Variants in CNIH3 observed in about 807,000 individuals in gnomAD.
CNIH3 encodes protein cornichon homolog 3.
CNIH3 carries 14 observed loss-of-function variants against 24.1 expected under a neutral mutation model. That is an observed-to-expected ratio of 0.58 (90% CI 0.38 to 0.91). CNIH3 has a LOEUF of 0.91. Among genes scored for constraint, CNIH3 ranks in the 40% least tolerant of loss-of-function variants. The probability of loss-of-function intolerance (pLI) is 0.00; values close to 1 mark genes in which losing one functional copy is unlikely to be tolerated. For missense variants in CNIH3, 178 were observed against 196.8 expected (o/e 0.90, Z 0.57); for synonymous variants, 68 against 73.8 (o/e 0.92, Z 0.40).
rs925247882 is a variant in CNIH3 at position 224,703,152 on chromosome 1, G to A, written c.198+18309G>A. Among the ~76,000 whole-genome samples, 2 of 152,092 alleles carry A rather than the reference G, an allele frequency of 1.3e-5. No individual in the cohort carries two copies. The highest frequency in any genetic ancestry group is 2.9e-5 in the Non-Finnish European group (2 of 68,020). ...CTCTCAAGGTCCATCTGTCCTGGCT[G>A]GTCAAAACCTTTTTTCTACCTGTTG... On this transcript the variant is annotated intron_variant, in intron 3 of 5. Transcript: ENST00000272133. The surrounding 1 kb of genome is among the most constrained non-coding windows in gnomAD (Gnocchi z 4.2).
At chr1:224,456,574 C>T (rs1229481808) in intron 1 of CNIH3, among the ~76,000 whole-genome samples, 2 of 152,148 alleles carry the variant, frequency 1.3e-5, no homozygotes, top group Non-Finnish European at 2.9e-5. Flanking sequence ...CCACACCCAG[C>T]TAATTTTTGT....
intron 4 of CNIH3, 188 bp downstream of exon 4, chr1:224,730,762 T>G: frequency 1.9e-6 from 1 of 539,470 alleles, no homozygotes; most frequent in Admixed American, 3.1e-5. Flanking sequence ...AAGGCCCTTT[T>G]TGTTGGTTTC....
intron 1 of CNIH3, among the ~76,000 whole-genome samples, chr1:224,500,791 G>A (rs1174193676): frequency 6.6e-6 from 1 of 152,186 alleles, no homozygotes; most frequent in African/African-American, 2.4e-5. Flanking sequence ...CCAGTGGGCT[G>A]GGATGTGCTG....
intron 3 of CNIH3, among the ~76,000 whole-genome samples, chr1:224,713,337 C>T (rs1688257890): frequency 6.6e-6 from 1 of 152,160 alleles, no homozygotes; most frequent in Non-Finnish European, 1.5e-5. Flanking sequence ...TGCACAGTTC[C>T]AGGTATTGTT....
At chr1:224,716,047 C>T (rs1688412216) in intron 3 of CNIH3, among the ~76,000 whole-genome samples, 1 of 152,172 alleles carries the variant, frequency 6.6e-6, no homozygotes, top group Non-Finnish European at 1.5e-5. Context: ...GAGTAATGCT[C>T]ATACTCACCC....
chr1:224,442,012 A>G (rs572261832), intron 1 of CNIH3, among the ~76,000 whole-genome samples: 161 of 131,366 alleles, frequency 1.2e-3, no homozygotes, highest in African/African-American at 3.9e-3. Context: ...TGATTCCCTT[A>G]ATTTTTTTTT....
intron 4 of CNIH3, chr1:224,574,825 G>T (rs1248388615): frequency 4.3e-6 from 4 of 932,258 alleles, no homozygotes. Context: ...CCAGGTAATG[G>T]TAATGTGGTT....
intron 4 of CNIH3, chr1:224,574,632 G>T: frequency 1.1e-6 from 1 of 870,802 alleles, no homozygotes; most frequent in Admixed American, 1.7e-5. Context: ...CAGGGAGCAG[G>T]TGGTGAAGTG....
intron 1 of CNIH3, among the ~76,000 whole-genome samples, chr1:224,438,008 G>A (rs1355202521): frequency 1.3e-5 from 2 of 151,832 alleles, no homozygotes; most frequent in South Asian, 4.2e-4. Context: ...CGCCTCCTGG[G>A]TTCACGCCAT....
chr1:224,626,997 T>G (rs1436062149), intron 1 of CNIH3, among the ~76,000 whole-genome samples: 1 of 152,188 alleles, frequency 6.6e-6, no homozygotes, highest in Non-Finnish European at 1.5e-5. Flanking sequence ...ACCTGTGTTC[T>G]TACACACTTC....
At position 224,734,612 on chromosome 1, in the gene CNIH3, G is replaced by A; in HGVS notation, c.361G>A (p.Val121Met). 2.5e-6 allele frequency: 4 copies of A among 1,614,174 alleles called. No individual in the cohort carries two copies. The highest frequency in any genetic ancestry group is 3.4e-6 in the Non-Finnish European group (4 of 1,180,010). The change falls in exon 5 of 6, where the codon GTG becomes ATG. Residue 121 changes from valine (V) to methionine (M), a missense_variant. Val to Met is a conservative substitution (Grantham distance 21, BLOSUM62 1). Coordinates refer to ENST00000272133, the MANE Select transcript of CNIH3 (RefSeq NM_152495.2). ...CTCAGAACTAGCCTACGACCCACCG[G>A]TGGTCATGAATGCCGACACTTTGAG... is the stretch of plus-strand genomic sequence containing the variant. ...DSSELAYDPP[V>M]VMNADTLSYC...
chr1:224,549,885 A>G (rs991074452), intron 3 of CNIH3, among the ~76,000 whole-genome samples: 1 of 152,162 alleles, frequency 6.6e-6, no homozygotes, highest in South Asian at 2.1e-4. Context: ...GCATGTAAAC[A>G]CTGGTTATTA....
chr1:224,716,380 G>T (rs913065176), intron 3 of CNIH3, among the ~76,000 whole-genome samples: 1 of 152,184 alleles, frequency 6.6e-6, no homozygotes, highest in African/African-American at 2.4e-5. Context: ...ACGCAGGCAA[G>T]GATGGTGTCT....
At chr1:224,569,316 A>G (rs1312374959) in intron 4 of CNIH3, among the ~76,000 whole-genome samples, 1 of 152,186 alleles carries the variant, frequency 6.6e-6, no homozygotes, top group Non-Finnish European at 1.5e-5. Flanking sequence ...CAGACATTTG[A>G]TCTTGAGTTT....
intron 1 of CNIH3, among the ~76,000 whole-genome samples, chr1:224,645,704 T>C (rs1444088795): frequency 2.0e-5 from 3 of 152,230 alleles, no homozygotes; most frequent in Non-Finnish European, 4.4e-5. Context: ...TTCACATCTG[T>C]TGGAGCCTAG....
At chr1:224,644,699 T>C (rs1684519897) in intron 1 of CNIH3, among the ~76,000 whole-genome samples, 1 of 152,182 alleles carries the variant, frequency 6.6e-6, no homozygotes, top group African/African-American at 2.4e-5. Context: ...TGCCAAACAA[T>C]TTTTTTCTTC....
In CNIH3 at chr1:224,616,945, A is replaced by T; in HGVS notation, c.-230A>T. On this transcript the variant is annotated 5_prime_UTR_variant, in exon 1 of 6. Coordinates refer to ENST00000272133, the MANE Select transcript of CNIH3 (RefSeq NM_152495.2). ...GGTTCCCTCCAGCGACTCTCGACACACGTTTTCCTGTCTTCGCCGGAGGGC... is the reference window on the plus strand; with the variant it reads ...GGTTCCCTCCAGCGACTCTCGACACTCGTTTTCCTGTCTTCGCCGGAGGGC... The T allele has an allele frequency of 7.3e-7, 1 of 1,377,202 alleles. No individual in the cohort carries two copies. Among genetic ancestry groups the T allele is most frequent in the African/African-American group, 1.5e-5 (1 of 68,362 alleles). 85.3% of individuals were successfully genotyped at this position (1,377,202 alleles called of 1,614,324 possible).
chr1:224,496,638 T>C (rs1192524181), intron 1 of CNIH3, among the ~76,000 whole-genome samples: 2 of 152,080 alleles, frequency 1.3e-5, no homozygotes, highest in Non-Finnish European at 2.9e-5. Flanking sequence ...ACTTAAGAAA[T>C]TGTTTACAGT....
At chr1:224,738,203 G>A (rs1245759257) in intron 5 of CNIH3, among the ~76,000 whole-genome samples, 2 of 152,190 alleles carry the variant, frequency 1.3e-5, no homozygotes, top group Admixed American at 1.3e-4. Flanking sequence ...CAGGAATTGG[G>A]GCTGCACACT....
Sources: gnomAD v4.1 joint callset for allele counts (sites outside exome capture counted in the v4.1 genomes callset) on GRCh38, gnomAD v4.1.1 for gene constraint, Gnocchi (gnomAD v3.1) non-coding constraint, MANE v1.5 for transcripts, NCBI Gene and HGNC (gene_info 2026-07-23, HGNC 2026-07-21) for gene names.